The following MICAL3 variants were observed in gnomAD, a reference collection of about 807,000 sequenced individuals.
MICAL3 encodes the protein microtubule associated monooxygenase, calponin and LIM domain containing 3, also known as [F-actin]-monooxygenase MICAL3.
A neutral mutation model predicts 207.4 loss-of-function variants in MICAL3; 62 were observed. The observed-to-expected ratio is 0.30, with a 90% confidence interval of 0.24 to 0.37. MICAL3 has a LOEUF of 0.37. Ranked by LOEUF, MICAL3 falls within the 10% of genes least tolerant of loss-of-function variation. MICAL3 has a pLI of 1.00. For synonymous variants in MICAL3, 1,077 were observed against 1,069.3 expected, an observed-to-expected ratio of 1.01 and a Z score of -0.14; for missense variants, 2,368 against 2,635.6, an observed-to-expected ratio of 0.90 and a Z score of 2.22.
intron 29 of MICAL3, among the ~76,000 whole-genome samples, chr22:17,794,269 G>A (rs1475663241): frequency 1.3e-5 from 2 of 152,270 alleles, no homozygotes; most frequent in Non-Finnish European, 2.9e-5. Context: ...CCCTGGATAG[G>A]TCTGCCTGGC....
rs143006110 is a variant in MICAL3, at chr22:17,889,307, C to T, written c.1695-77G>A. On this transcript the variant is annotated intron_variant, in intron 12 of 31. Coordinates refer to ENST00000441493, the MANE Select transcript of MICAL3 (RefSeq NM_015241.3). ...CAGAAACGCAGTATCCTGGAGTCAT[C>T]GTCCTTTCTCTGTTTTCAGCTAAAA... 8.2e-5 allele frequency: 88 copies of T among 1,076,060 alleles called. No individual in the cohort carries two copies. The African/African-American group carries it at 1.2e-3, about 15-fold the overall frequency. The allele number at this position is 1,076,060 out of a possible 1,614,324, so 66.7% of individuals were successfully genotyped here.
chr22:17,961,834 G>A (rs967955827), intron 1 of MICAL3, among the ~76,000 whole-genome samples: 2 of 151,678 alleles, frequency 1.3e-5, no homozygotes, highest in Admixed American at 6.6e-5. Context: ...CCAGTGCCAC[G>A]GCCTGCCTGC....
rs1235100570 is a variant in MICAL3 at position 17,904,660 on chromosome 22, C to T, written c.444G>A (p.Lys148=). ...TATGGTCGATGGCTCCAGCACAGAA[C>T]TTGCCATAGAACTTCTTGGCACCCA... ...RGLGAKKFYG[K]FCAGAIDHIS... The change falls in exon 3 of 32, where the codon AAG becomes AAA. Residue 148 remains lysine, a synonymous_variant. Transcript: ENST00000441493. The T allele has an allele frequency of 1.9e-6, 3 of 1,613,980 alleles. No individual in the cohort carries two copies. The highest frequency in any genetic ancestry group is 2.5e-6 in the Non-Finnish European group (3 of 1,179,900).
intron 21 of MICAL3, 129 bp downstream of exon 21, chr22:17,831,725 G>A (rs2146043013): frequency 1.4e-6 from 2 of 1,420,092 alleles, no homozygotes; most frequent in South Asian, 1.5e-5. Context: ...TATGTCAGGA[G>A]GGGTGGTCCC....
intron 16 of MICAL3, among the ~76,000 whole-genome samples, chr22:17,877,477 GGGAGGTTATGGAGGTT>G (rs1928894353): frequency 8.6e-6 from 1 of 116,948 alleles, no homozygotes; most frequent in Admixed American, 7.9e-5. Context: ...ATGGAGGTTA[GGGAGGTTATGGAGGTT>G]AGGGAGGTTA....
intron 1 of MICAL3, among the ~76,000 whole-genome samples, chr22:18,013,463 G>T (rs1007478158): frequency 1.3e-5 from 2 of 152,216 alleles, no homozygotes; most frequent in Non-Finnish European, 2.9e-5. Context: ...CAGCTAATGA[G>T]TGTCACAGTC....
intron 1 of MICAL3, among the ~76,000 whole-genome samples, chr22:17,981,334 G>A (rs1342831592): frequency 2.7e-5 from 4 of 147,964 alleles, no homozygotes; most frequent in Non-Finnish European, 5.9e-5. Context: ...TGTGACTATT[G>A]ACTCTAAGGA....
At chr22:17,809,608 C>T (rs1477075182) in intron 28 of MICAL3, among the ~76,000 whole-genome samples, 1 of 152,176 alleles carries the variant, frequency 6.6e-6, no homozygotes, top group Non-Finnish European at 1.5e-5. Context: ...TCCAGCCTGG[C>T]CACGGAGTGA....
intron 21 of MICAL3, among the ~76,000 whole-genome samples, chr22:17,830,368 C>T (rs1601997057): frequency 6.6e-6 from 1 of 152,202 alleles, no homozygotes; most frequent in African/African-American, 2.4e-5. Flanking sequence ...GTAGTTAAAG[C>T]TCTTTTCCTA....
At chr22:17,857,999 A>G (rs577195821) in intron 19 of MICAL3, among the ~76,000 whole-genome samples, 3 of 152,182 alleles carry the variant, frequency 2.0e-5, no homozygotes, top group Non-Finnish European at 4.4e-5. Flanking sequence ...AATATTCAGA[A>G]AGTGTTCATA....
chr22:17,887,973 C>A (rs1300037318), intron 13 of MICAL3, among the ~76,000 whole-genome samples: 1 of 152,136 alleles, frequency 6.6e-6, no homozygotes, highest in East Asian at 1.9e-4. Flanking sequence ...AGCCACAGAT[C>A]CTTACAAGAA....
At chr22:17,835,464 A>AG (rs1923265573) in intron 20 of MICAL3, among the ~76,000 whole-genome samples, 1 of 152,244 alleles carries the variant, frequency 6.6e-6, no homozygotes, top group African/African-American at 2.4e-5. Flanking sequence ...GGGTTGGCCC[A>AG]GGTCCTGTGC....
intron 29 of MICAL3, among the ~76,000 whole-genome samples, chr22:17,798,895 G>A (rs12165868): frequency 0.014 from 2,088 of 151,906 alleles, 41 homozygotes; most frequent in African/African-American, 0.048. Context: ...GGATGGTCTC[G>A]ATCTCCTGAC....
intron 1 of MICAL3, among the ~76,000 whole-genome samples, chr22:17,928,855 C>T (rs5992132): frequency 0.66 from 99,679 of 151,684 alleles, 32,864 homozygotes; most frequent in South Asian, 0.7. Context: ...AGTGCAGTGT[C>T]GTGATCTCCG....
intron 16 of MICAL3, among the ~76,000 whole-genome samples, chr22:17,881,611 TGAGTA>T (rs1929440123): frequency 6.6e-6 from 1 of 152,134 alleles, no homozygotes; most frequent in Non-Finnish European, 1.5e-5. Context: ...GGCTTGCTGA[TGAGTA>T]GAGAGGGCAA....
chr22:17,946,821 T>C (rs1934089635), intron 1 of MICAL3, among the ~76,000 whole-genome samples: 1 of 152,230 alleles, frequency 6.6e-6, no homozygotes, highest in South Asian at 2.1e-4. Context: ...GGCAAGTTCC[T>C]ACAAGCTGCC....
intron 1 of MICAL3, among the ~76,000 whole-genome samples, chr22:18,000,269 C>T (rs1284100931): frequency 6.6e-6 from 1 of 152,012 alleles, no homozygotes; most frequent in Non-Finnish European, 1.5e-5. Context: ...AAAAGCTGTC[C>T]ACCTGTCCAC....
Position 17,921,520 on chromosome 22 carries a change from G to A in MICAL3, c.-74-14634C>T, listed in dbSNP as rs535720847. On this transcript the variant is annotated intron_variant, in intron 1 of 31. Coordinates refer to ENST00000441493, the MANE Select transcript of MICAL3 (RefSeq NM_015241.3). ...TCTTTTGTGTGTGTGATGGAGTCTTGCTCTGTTGCCCAGGCTGGAGTGCAG... is the reference window on the plus strand; with the variant it reads ...TCTTTTGTGTGTGTGATGGAGTCTTACTCTGTTGCCCAGGCTGGAGTGCAG... 2.6e-5 allele frequency among the ~76,000 whole-genome samples: 4 copies of A among 152,236 alleles called. No individual in the cohort carries two copies. In the South Asian group the frequency reaches 8.3e-4, roughly 32 times the overall value.
At chr22:17,941,648 G>A (rs1322921996) in intron 1 of MICAL3, among the ~76,000 whole-genome samples, 1 of 152,246 alleles carries the variant, frequency 6.6e-6, no homozygotes, top group African/African-American at 2.4e-5. Context: ...TGCCACTCTT[G>A]GGATACAGGA....
Sources: allele counts gnomAD v4.1 joint callset (sites outside exome capture counted in the v4.1 genomes callset), GRCh38; gene constraint gnomAD v4.1.1; transcripts MANE v1.5; gene names NCBI Gene and HGNC (gene_info 2026-07-23, HGNC 2026-07-21).